The following BOP1 variants were observed in gnomAD, a reference collection of about 807,000 sequenced individuals.
BOP1 encodes the protein BOP1 ribosomal biogenesis factor.
BOP1 carries 54 observed loss-of-function variants against 82.9 expected under a neutral mutation model. The observed-to-expected ratio is 0.65, with a 90% confidence interval of 0.52 to 0.82. The LOEUF is 0.82. Ranked by LOEUF, BOP1 falls within the 40% of genes least tolerant of loss-of-function variation. The pLI, the probability that BOP1 is intolerant of heterozygous loss-of-function variation, is 0.00. For synonymous variants in BOP1, 566 were observed against 451.1 expected, an observed-to-expected ratio of 1.25 and a Z score of -3.23; for missense variants, 1,170 against 1,072.0, an observed-to-expected ratio of 1.09 and a Z score of -1.28.
intron 2 of BOP1, among the ~76,000 whole-genome samples, chr8:144,278,463 C>T (rs782687991): frequency 2.6e-5 from 4 of 152,210 alleles, no homozygotes; most frequent in African/African-American, 7.2e-5. Context: ...CCAGCCAGGC[C>T]GTGCCCCACT....
At chr8:144,267,768 GC>G (rs1466997968) in intron 3 of BOP1, among the ~76,000 whole-genome samples, 1 of 152,222 alleles carries the variant, frequency 6.6e-6, no homozygotes, top group East Asian at 1.9e-4. Flanking sequence ...GGAGACGCTG[GC>G]CAGCTGTGAT....
intron 2 of BOP1, among the ~76,000 whole-genome samples, chr8:144,287,174 T>C (rs1814908938): frequency 6.6e-6 from 1 of 152,030 alleles, no homozygotes; most frequent in Non-Finnish European, 1.5e-5. Flanking sequence ...CACGCCCAGC[T>C]AATTTTTATA....
At position 144,263,537 on chromosome 8, in the gene BOP1, G is replaced by A. The variant is rs1287606165; in HGVS notation, c.1365C>T (p.Gly455=). 12 of 1,600,016 alleles carry A rather than the reference G, an allele frequency of 7.5e-6. No homozygotes were observed. The highest frequency in any genetic ancestry group is 1.1e-5 in the South Asian group (1 of 91,034). Residue 455 remains glycine, a synonymous_variant, in exon 11 of 16, where the codon GGC becomes GGT. Transcript: ENST00000569669. ...GGTTCCAGGCCACACTCTTCACCAC[G>A]CCCCCCACGGGAACAGTCCTCACAC... ...ARCVRTVPVG[G]VVKSVAWNPS...
At position 144,264,555 on chromosome 8, in the gene BOP1, TC is replaced by T; in HGVS notation, c.724del (p.Asp242ThrfsTer99). Reference protein sequence around the residue: ...MIHPVTNRPADKRSFIPSLVE... With the variant: ...MIHPVTNRPAXKRSFIPSLVE... ...CAGGGAGGGGATGAAGCTGCGCTTG[TC>T]GGCCGGGCGGTTGGTCACCGGGTGG... On this transcript the variant is annotated frameshift_variant, in exon 6 of 16. Coordinates refer to ENST00000569669, the MANE Select transcript of BOP1 (RefSeq NM_015201.5). LOFTEE classifies it high-confidence loss of function. The T allele has an allele frequency of 6.2e-7, 1 of 1,610,136 alleles. No homozygotes were observed. Among genetic ancestry groups the T allele is most frequent in the Non-Finnish European group, 8.5e-7 (1 of 1,178,896 alleles).
Position 144,264,733 on chromosome 8 carries a change from A to G in BOP1, c.644T>C (p.Val215Ala). The change falls in exon 5 of 16, where the codon GTG becomes GCG. Residue 215 changes from valine to alanine, a missense_variant. Val to Ala is a moderately conservative substitution (Grantham distance 64). Coordinates refer to ENST00000569669, the MANE Select transcript of BOP1 (RefSeq NM_015201.5). ...ACCTACCTCATAGGGGTTGAAGCCCACATCCCCAAACTGGCCACTCTGCAG... is the reference window on the plus strand; with the variant it reads ...ACCTACCTCATAGGGGTTGAAGCCCGCATCCCCAAACTGGCCACTCTGCAG... ...RRLQSGQFGD[V>A]GFNPYEPAVD... The G allele has an allele frequency of 6.3e-7, 1 of 1,581,660 alleles. No individual in the cohort carries two copies. The highest frequency in any genetic ancestry group is 8.6e-7 in the Non-Finnish European group (1 of 1,164,746).
chr8:144,264,381 T>G lies in BOP1; in HGVS notation c.822A>C (p.Arg274=). 2 of 1,603,322 alleles carry G rather than the reference T, an allele frequency of 1.2e-6. No homozygotes were observed. Among genetic ancestry groups the G allele is most frequent in the Non-Finnish European group, 8.5e-7 (1 of 1,179,654 alleles). Residue 274 remains arginine, a synonymous_variant, in exon 7 of 16, where the codon CGA becomes CGC. Transcript: ENST00000569669. ...KMGWIQPRRP[R]DPTPSFYDLW... The stretch of plus-strand genomic sequence containing the variant: ...GGTCATAGAAGCTGGGGGTGGGGTC[T>G]CGGGGCCGGCGAGGCTGGATCCAGC...
chr8:144,280,743 G>A (rs1308972210), intron 2 of BOP1, among the ~76,000 whole-genome samples: 2 of 152,180 alleles, frequency 1.3e-5, no homozygotes, highest in Non-Finnish European at 2.9e-5. Context: ...ATCACAGCGG[G>A]AGGCTGAGGC....
At chr8:144,274,896 C>T (rs929556169) in intron 3 of BOP1, among the ~76,000 whole-genome samples, 9 of 152,232 alleles carry the variant, frequency 5.9e-5, no homozygotes, top group East Asian at 3.9e-4. Context: ...ATGTGGCTGC[C>T]GACAGCCAGA....
intron 3 of BOP1, among the ~76,000 whole-genome samples, chr8:144,270,166 G>A (rs905131653): frequency 1.3e-5 from 2 of 152,222 alleles, no homozygotes; most frequent in African/African-American, 2.4e-5. Flanking sequence ...GCGGGCAGGT[G>A]CGGGGCGTCG....
At chr8:144,264,170 G>C in intron 7 of BOP1, 28 bp from the exon 8 acceptor site, 1 of 1,610,212 alleles carries the variant, frequency 6.2e-7, no homozygotes, top group South Asian at 1.1e-5. Context: ...CAGGGGTGGG[G>C]AGGGTCACAG....
chr8:144,277,536 G>T (rs1845586978), intron 2 of BOP1, among the ~76,000 whole-genome samples: 1 of 152,202 alleles, frequency 6.6e-6, no homozygotes, highest in African/African-American at 2.4e-5. Context: ...GCACGCTGGA[G>T]TCCCAGCCTC....
intron 1 of BOP1, among the ~76,000 whole-genome samples, chr8:144,289,541 C>T (rs1386216679): frequency 6.6e-6 from 1 of 152,230 alleles, no homozygotes; most frequent in Non-Finnish European, 1.5e-5. Context: ...CATTTTAATT[C>T]CTAGCACCTC....
At chr8:144,290,929 C>T (rs1229887447) in intron 1 of BOP1, among the ~76,000 whole-genome samples, 2 of 152,218 alleles carry the variant, frequency 1.3e-5, no homozygotes, top group African/African-American at 4.8e-5. Flanking sequence ...AGCATAAAAA[C>T]GCAATTAACT....
At chr8:144,277,440 C>T (rs1448969521) in intron 2 of BOP1, among the ~76,000 whole-genome samples, 2 of 152,232 alleles carry the variant, frequency 1.3e-5, no homozygotes, top group Non-Finnish European at 2.9e-5. Flanking sequence ...CCACACCCGG[C>T]TGCGGTCGGC....
At chr8:144,267,327 GGGGCCTTCTCCT>G (rs1195945414) in intron 3 of BOP1, 3 of 1,017,882 alleles carry the variant, frequency 2.9e-6, no homozygotes, top group Non-Finnish European at 3.8e-6. Flanking sequence ...GCCGGGGGCT[GGGGCCTTCTCCT>G]GGGGCTCCTC....
At chr8:144,273,894 G>C (rs1454422964) in intron 3 of BOP1, among the ~76,000 whole-genome samples, 1 of 152,198 alleles carries the variant, frequency 6.6e-6, no homozygotes, top group Admixed American at 6.5e-5. Flanking sequence ...CTGCGCACCT[G>C]GGGGAGGGGA....
rs966682453 is a variant in BOP1 at position 144,262,953 on chromosome 8, G to A, written c.1794C>T (p.Ser598=). The change falls in exon 13 of 16, where the codon TCC becomes TCT. Residue 598 remains serine (S), a synonymous_variant. Transcript: ENST00000569669. ...GGTGGTAGAGGCGGACGCTGCGCTG[G>A]GACGCCACCAACAGGAAGGGCCGGG... ...HPARPFLLVA[S]QRSVRLYHLL... 8 of 1,547,424 alleles carry A rather than the reference G, an allele frequency of 5.2e-6. No homozygotes were observed. In the African/African-American group the frequency reaches 1.1e-4, roughly 21 times the overall value.
At position 144,264,588 on chromosome 8, in the gene BOP1, A is replaced by G; in HGVS notation, c.692T>C (p.Val231Ala). The G allele has an allele frequency of 6.2e-7, 1 of 1,607,138 alleles. No individual in the cohort carries two copies. The highest frequency in any genetic ancestry group is 8.5e-7 in the Non-Finnish European group (1 of 1,177,356). The change falls in exon 6 of 16, where the codon GTC (valine) becomes GCC (alanine). Residue 231 changes from valine (V) to alanine (A), a missense_variant. Transcript: ENST00000569669. The stretch of plus-strand genomic sequence containing the variant: ...GCGGTTGGTCACCGGGTGGATCATG[A>G]CGTCCCCGCTGAAGAAGTCGACAGC... ...EPAVDFFSGD[V>A]MIHPVTNRPA...
At chr8:144,269,462 C>T (rs891981024) in intron 3 of BOP1, among the ~76,000 whole-genome samples, 20 of 152,220 alleles carry the variant, frequency 1.3e-4, no homozygotes, top group Admixed American at 5.2e-4. Flanking sequence ...CCAGGACTGC[C>T]CCTCCTCTGC....
Sources: gnomAD v4.1 joint callset for allele counts (sites outside exome capture counted in the v4.1 genomes callset) on GRCh38, gnomAD v4.1.1 for gene constraint, MANE v1.5 for transcripts, NCBI Gene and HGNC (gene_info 2026-07-23, HGNC 2026-07-21) for gene names.